Variants in NEK6 observed in about 807,000 individuals in gnomAD.
NEK6 encodes the protein NIMA related kinase 6.
NEK6 carries 27 observed loss-of-function variants against 43.5 expected under a neutral mutation model. The observed-to-expected ratio is 0.62, with a 90% CI of 0.46 to 0.86. The LOEUF is 0.86. Ranked by LOEUF, NEK6 falls within the 40% of genes least tolerant of loss-of-function variation. NEK6 has a pLI of 0.00. For missense variants in NEK6, 318 were observed against 414.4 expected (o/e 0.77, Z 2.02); for synonymous variants, 167 against 164.1 (o/e 1.02, Z -0.14).
In NEK6 at chr9:124,344,920, C is replaced by T. The variant is rs149736479; in HGVS notation, c.718-2789C>T. On this transcript the variant is annotated intron_variant, in intron 8 of 9. Transcript: ENST00000320246. ...CCTCCGTGGTGGAGGAGCAGGGCTG[C>T]AGACCTCCTGGCCTCCAGTCACCCT... 1.5e-4 allele frequency among the ~76,000 whole-genome samples: 23 copies of T among 152,308 alleles called. No individual in the cohort carries two copies. In the East Asian group the frequency reaches 4.4e-3, roughly 29 times the overall value.
At chr9:124,297,503 G>A (rs531909980) in intron 1 of NEK6, among the ~76,000 whole-genome samples, 1 of 152,158 alleles carries the variant, frequency 6.6e-6, no homozygotes, top group Non-Finnish European at 1.5e-5. Flanking sequence ...CTCCCAATCT[G>A]GTCCCTCGGT....
intron 1 of NEK6, among the ~76,000 whole-genome samples, chr9:124,291,239 C>G (rs902891494): frequency 6.6e-6 from 1 of 152,190 alleles, no homozygotes; most frequent in African/African-American, 2.4e-5. Context: ...GAACTTGAAC[C>G]AGGACTGCCG....
At chr9:124,270,918 A>G (rs1033668920) in intron 1 of NEK6, among the ~76,000 whole-genome samples, 3 of 152,372 alleles carry the variant, frequency 2.0e-5, no homozygotes, top group Non-Finnish European at 4.4e-5. Flanking sequence ...GGGCAGGGCC[A>G]GGTCACCTGG....
chr9:124,289,592 A>G (rs1832319875), intron 1 of NEK6, among the ~76,000 whole-genome samples: 1 of 152,174 alleles, frequency 6.6e-6, no homozygotes, highest in South Asian at 2.1e-4. Context: ...GGCAGTGTGC[A>G]GGGGCTGGAG....
Position 124,350,842 on chromosome 9 carries a change from A to AGAACT in NEK6, c.839_843dup (p.Val282AsnfsTer62). On this transcript the variant is annotated frameshift_variant, in exon 10 of 10. Coordinates refer to ENST00000320246, the MANE Select transcript of NEK6 (RefSeq NM_014397.6). LOFTEE classifies it high-confidence loss of function. ...CACCATTCTCTCCCCTGCAGTTACG[A>AGAACT]GAACTGGTCAGCATGTGCATCTGCC... The AGAACT allele has an allele frequency of 6.2e-7, 1 of 1,611,792 alleles. No individual in the cohort carries two copies. The highest frequency in any genetic ancestry group is 8.5e-7 in the Non-Finnish European group (1 of 1,178,992).
intron 1 of NEK6, among the ~76,000 whole-genome samples, chr9:124,301,148 A>T (rs750443664): frequency 3.3e-5 from 5 of 152,214 alleles, no homozygotes; most frequent in Non-Finnish European, 7.4e-5. Context: ...TTCTATGCAC[A>T]TAACCTCAGA....
intron 7 of NEK6, among the ~76,000 whole-genome samples, chr9:124,339,211 T>G (rs1829456595): frequency 6.6e-6 from 1 of 152,054 alleles, no homozygotes; most frequent in Non-Finnish European, 1.5e-5. Context: ...GCATTTTTAG[T>G]AGAGGCGGGG....
intron 4 of NEK6, among the ~76,000 whole-genome samples, chr9:124,317,692 G>A (rs1006245984): frequency 6.6e-6 from 1 of 152,130 alleles, no homozygotes; most frequent in Non-Finnish European, 1.5e-5. Flanking sequence ...CCCTCTTGTA[G>A]AGCCCAGTGT....
intron 4 of NEK6, among the ~76,000 whole-genome samples, chr9:124,317,322 G>A (rs768791511): frequency 3.9e-5 from 6 of 152,010 alleles, no homozygotes; most frequent in Non-Finnish European, 7.4e-5. Context: ...GTGCGATCTC[G>A]GCTCACTACA....
chr9:124,309,927 AG>A (rs1220075593), intron 2 of NEK6, among the ~76,000 whole-genome samples: 1 of 152,190 alleles, frequency 6.6e-6, no homozygotes, highest in Non-Finnish European at 1.5e-5. Context: ...GAGGACGTGG[AG>A]GGGACTAGAC....
At position 124,327,437 on chromosome 9, in the gene NEK6, A is replaced by G; in HGVS notation, c.614A>G (p.His205Arg). The G allele has an allele frequency of 6.2e-7, 1 of 1,611,890 alleles. No homozygotes were observed. The change falls in exon 7 of 10, where the codon CAC becomes CGC. Residue 205 changes from histidine to arginine, a missense_variant. Coordinates refer to ENST00000320246, the MANE Select transcript of NEK6 (RefSeq NM_014397.6). ...RFFSSETTAA[H>R]SLVGTPYYMS... Reference sequence around the variant, plus strand: ...TTCAGCTCTGAGACCACCGCAGCCCACTCCCTAGGTAAGGGGGACCTGTCT... The same window carrying G: ...TTCAGCTCTGAGACCACCGCAGCCCGCTCCCTAGGTAAGGGGGACCTGTCT...
In NEK6 at chr9:124,324,941, G is replaced by A. The variant is rs556503207; in HGVS notation, c.406-1389G>A. Among the ~76,000 whole-genome samples, 14 of 152,280 alleles carry A rather than the reference G, an allele frequency of 9.2e-5. No homozygotes were observed. Among genetic ancestry groups the A allele is most frequent in the African/African-American group, 2.2e-4 (9 of 41,576 alleles). On this transcript the variant is annotated intron_variant, in intron 5 of 9. Transcript: ENST00000320246. The surrounding 1 kb of genome is among the most constrained non-coding windows in gnomAD (Gnocchi z 5.3). ...TGTAATCCCAGCACTTTGGGAGGCC[G>A]AGGCAGGCAGATCACCTGAGGTGAG...
intron 9 of NEK6, among the ~76,000 whole-genome samples, chr9:124,348,593 T>C (rs1830084123): frequency 6.6e-6 from 1 of 152,128 alleles, no homozygotes; most frequent in Non-Finnish European, 1.5e-5. Flanking sequence ...ATGGGGATAA[T>C]ATTAAATCTT....
At chr9:124,329,110 C>G (rs577359990) in intron 7 of NEK6, among the ~76,000 whole-genome samples, 2 of 152,354 alleles carry the variant, frequency 1.3e-5, no homozygotes, top group South Asian at 4.1e-4. Flanking sequence ...TTGGAGTCCC[C>G]CTTTGGGGAC....
chr9:124,283,423 TGCACGGGTGTA>T (rs1832013527), intron 1 of NEK6, among the ~76,000 whole-genome samples: 1 of 152,140 alleles, frequency 6.6e-6, no homozygotes, highest in Non-Finnish European at 1.5e-5. Flanking sequence ...GGAAGTTGAG[TGCACGGGTGTA>T]GCACTGGACG....
In NEK6 at chr9:124,282,449, A is replaced by G. The variant is rs189853699; in HGVS notation, c.-29-19487A>G. Among the ~76,000 whole-genome samples the G allele has an allele frequency of 2.6e-3, 390 of 152,354 alleles. 2 individuals are homozygous for G. The highest frequency in any genetic ancestry group is 9.2e-3 in the African/African-American group (381 of 41,584). Reference sequence around the variant, plus strand: ...GATTAGTATCTCCAAGTAAGGGCCTATGCCCCAGTTCCAGATAGACAAGGG... The same window carrying G: ...GATTAGTATCTCCAAGTAAGGGCCTGTGCCCCAGTTCCAGATAGACAAGGG... On this transcript the variant is annotated intron_variant, in intron 1 of 9. Coordinates refer to ENST00000320246, the MANE Select transcript of NEK6 (RefSeq NM_014397.6).
At chr9:124,327,267 C>G (rs929921351) in intron 6 of NEK6, 71 bp from the exon 7 acceptor site, 26 of 1,274,962 alleles carry the variant, frequency 2.0e-5, no homozygotes, top group Non-Finnish European at 2.8e-5. Flanking sequence ...CTTCCTCCCC[C>G]TTCCTCTCGT....
chr9:124,322,553 C>T (rs1333636481), intron 5 of NEK6, among the ~76,000 whole-genome samples: 2 of 152,244 alleles, frequency 1.3e-5, no homozygotes, highest in Non-Finnish European at 2.9e-5. Flanking sequence ...GTGGAAGCCC[C>T]CAGGCCTGCC....
intron 1 of NEK6, among the ~76,000 whole-genome samples, chr9:124,263,580 T>A (rs890253604): frequency 6.6e-6 from 1 of 152,178 alleles, no homozygotes; most frequent in Non-Finnish European, 1.5e-5. Context: ...ATGAGAGACA[T>A]GGAAAATCTT....
Sources: allele counts gnomAD v4.1 joint callset (sites outside exome capture counted in the v4.1 genomes callset), GRCh38; gene constraint gnomAD v4.1.1; non-coding constraint Gnocchi (gnomAD v3.1); transcripts MANE v1.5; gene names NCBI Gene and HGNC (gene_info 2026-07-23, HGNC 2026-07-21).